RHPN1: variants seen among roughly 807,000 people sequenced by gnomAD.
The protein encoded by RHPN1 is rhophilin Rho GTPase binding protein 1, also known as rhophilin-1.
Under a neutral mutation model 74.7 loss-of-function variants are expected in RHPN1, and 77 were observed. The ratio of observed to expected loss-of-function variants is 1.03; its 90% CI spans 0.86 to 1.25. RHPN1 has a LOEUF of 1.25. Ranked by LOEUF, RHPN1 falls within the 50% of genes most tolerant of loss-of-function variation. The pLI is 0.00. For synonymous variants in RHPN1, 444 were observed against 414.5 expected (o/e 1.07, Z -0.87); for missense variants, 987 against 932.2 (o/e 1.06, Z -0.77).
Position 143,379,092 on chromosome 8 carries a change from G to C in RHPN1, c.751+14G>C, listed in dbSNP as rs1281644697. 2 of 1,477,818 alleles carry C rather than the reference G, an allele frequency of 1.4e-6. No homozygotes were observed. Among genetic ancestry groups the C allele is most frequent in the African/African-American group, 1.4e-5 (1 of 70,546 alleles). 91.5% of individuals were successfully genotyped at this position (1,477,818 alleles called of 1,614,324 possible). On this transcript the variant is annotated intron_variant, in intron 7 of 14. Coordinates refer to ENST00000289013, the MANE Select transcript of RHPN1 (RefSeq NM_052924.3). ...AGAGGGCCGCTGGTGAGGGCGGCCC[G>C]GGCCGCGGTGGGGCACGGCGCGGTG...
intron 1 of RHPN1, among the ~76,000 whole-genome samples, chr8:143,371,269 G>A (rs1429374856): frequency 2.0e-5 from 3 of 152,156 alleles, no homozygotes; most frequent in African/African-American, 7.2e-5. Context: ...AGAGATGGTG[G>A]GTCAGGTGGG....
intron 1 of RHPN1, among the ~76,000 whole-genome samples, chr8:143,375,138 G>A (rs7835310): frequency 5.3e-5 from 8 of 152,124 alleles, no homozygotes; most frequent in Non-Finnish European, 8.8e-5. Flanking sequence ...AAATTGGGAG[G>A]GGCAAGGGGG....
Position 143,376,619 on chromosome 8 carries a change from C to T in RHPN1, c.271C>T (p.Leu91Phe), listed in dbSNP as rs753926374. ...GCTGCTGAAGGAGGAGCTGGAGGAGCTCAGCGGTGGCGTGGACCCTGGCCG... is the reference window on the plus strand; with the variant it reads ...GCTGCTGAAGGAGGAGCTGGAGGAGTTCAGCGGTGGCGTGGACCCTGGCCG... ...LQLLKEELEE[L>F]SGGVDPGRHG... The change falls in exon 3 of 15, where the codon CTC becomes TTC. Residue 91 changes from leucine (L) to phenylalanine (F), a missense_variant. Transcript: ENST00000289013. 2.5e-6 allele frequency: 4 copies of T among 1,589,292 alleles called. No individual in the cohort carries two copies. Among genetic ancestry groups the T allele is most frequent in the South Asian group, 1.1e-5 (1 of 87,756 alleles).
chr8:143,377,027 T>A (rs1371466582), intron 3 of RHPN1, among the ~76,000 whole-genome samples: 1 of 148,644 alleles, frequency 6.7e-6, no homozygotes, highest in Non-Finnish European at 1.5e-5. Flanking sequence ...TATGTGTGCG[T>A]GTATGCACGT....
At chr8:143,371,564 G>A (rs553223113) in intron 1 of RHPN1, among the ~76,000 whole-genome samples, 10 of 152,202 alleles carry the variant, frequency 6.6e-5, no homozygotes, top group South Asian at 2.1e-4. Context: ...CCTTTTGCCC[G>A]TCCCCAGGTC....
In RHPN1 at chr8:143,378,935, C is replaced by T. The variant is rs776018449; in HGVS notation, c.608C>T (p.Pro203Leu). The T allele has an allele frequency of 1.3e-5, 20 of 1,582,622 alleles. No individual in the cohort carries two copies. Among genetic ancestry groups the T allele is most frequent in the East Asian group, 7.0e-5 (3 of 42,664 alleles). The change falls in exon 7 of 15, where the codon CCG becomes CTG. Residue 203 changes from proline to leucine, a missense_variant. Coordinates refer to ENST00000289013, the MANE Select transcript of RHPN1 (RefSeq NM_052924.3). ...FHWYDSLTGVPAQQRALAFEK... is the reference protein window; with the variant it reads ...FHWYDSLTGVLAQQRALAFEK... ...AGGTACGACTCGCTTACTGGGGTCC[C>T]GGCCCAGCAGCGTGCCCTGGCCTTC...
At chr8:143,368,833 G>C (rs1475412394), upstream of RHPN1, 9 of 397,250 alleles carry the variant, frequency 2.3e-5, no homozygotes, top group Middle Eastern at 6.9e-4. Context: ...CCGCGCCGCG[G>C]GCCGCCCCCA....
At chr8:143,374,791 T>C (rs1818102728) in intron 1 of RHPN1, among the ~76,000 whole-genome samples, 1 of 151,986 alleles carries the variant, frequency 6.6e-6, no homozygotes. Flanking sequence ...TAGAGTGAAA[T>C]GTAAGCTCCA....
chr8:143,380,076 G>C lies in RHPN1; in HGVS notation c.1117G>C (p.Glu373Gln). ...LCDGSPATEG[E>Q]LPTHEQVFLQ... The stretch of plus-strand genomic sequence containing the variant: ...CTGTCCCCCAGCAGCGACCGAGGGA[G>C]AGCTCCCCACGCACGAGCAGGTCTT... Residue 373 changes from glutamate to glutamine, a missense_variant, in exon 10 of 15, where the codon GAG becomes CAG. Physicochemically the swap from Glu to Gln is conservative, Grantham distance 29 (BLOSUM62 2). Transcript: ENST00000289013. The C allele has an allele frequency of 6.5e-7, 1 of 1,550,164 alleles. No individual in the cohort carries two copies. Among genetic ancestry groups the C allele is most frequent in the Non-Finnish European group, 8.7e-7 (1 of 1,147,792 alleles).
At position 143,380,138 on chromosome 8, in the gene RHPN1, T is replaced by A. The variant is rs1287300539; in HGVS notation, c.1179T>A (p.Pro393=). 3 of 1,549,152 alleles carry A rather than the reference T, an allele frequency of 1.9e-6. No homozygotes were observed. The Admixed American group carries it at 5.9e-5, about 30-fold the overall frequency. The change falls in exon 10 of 15, where the codon CCT becomes CCA. Residue 393 remains proline (P), a synonymous_variant. Coordinates refer to ENST00000289013, the MANE Select transcript of RHPN1 (RefSeq NM_052924.3). ...CCACCTCCTCTAAGCCCCGAGGCCC[T>A]GTGCTGCCGCAGGAGCTGGAGGAGC... ...QPPTSSKPRG[P]VLPQELEERR...
intron 1 of RHPN1, among the ~76,000 whole-genome samples, chr8:143,369,486 C>G (rs1817686299): frequency 4.6e-5 from 7 of 152,242 alleles, no homozygotes; most frequent in Admixed American, 2.6e-4. Flanking sequence ...GCAGCGAAGC[C>G]TCCTGGGTAT....
At position 143,380,745 on chromosome 8, in the gene RHPN1, A is replaced by T. The variant is rs768126075; in HGVS notation, c.1373A>T (p.Asp458Val). ...AAGTATGCGGAGCTCGACCGTGAGG[A>T]TGACTTCTGTGAGGCTGCCGAGGCC... is the stretch of plus-strand genomic sequence containing the variant. ...LAKYAELDREDDFCEAAEAPD... is the reference protein window; with the variant it reads ...LAKYAELDREVDFCEAAEAPD... Residue 458 changes from aspartate to valine, a missense_variant, in exon 11 of 15, where the codon GAT (aspartate) becomes GTT (valine). Coordinates refer to ENST00000289013, the MANE Select transcript of RHPN1 (RefSeq NM_052924.3). 8.8e-6 allele frequency: 14 copies of T among 1,593,038 alleles called. No individual in the cohort carries two copies. Among genetic ancestry groups the T allele is most frequent in the African/African-American group, 1.3e-5 (1 of 74,494 alleles).
At chr8:143,370,888 A>G in intron 1 of RHPN1, among the ~76,000 whole-genome samples, 1 of 152,188 alleles carries the variant, frequency 6.6e-6, no homozygotes, top group Non-Finnish European at 1.5e-5. Flanking sequence ...CAGTGGGAGA[A>G]GGGGGAGCAG....
chr8:143,375,850 C>T (rs981808123), intron 2 of RHPN1, among the ~76,000 whole-genome samples, 182 bp downstream of exon 2: 6 of 152,238 alleles, frequency 3.9e-5, no homozygotes, highest in Non-Finnish European at 5.9e-5. Context: ...GACCTGCCTC[C>T]GTGGGCCTCT....
chr8:143,376,860 C>A (rs974097210), intron 3 of RHPN1, among the ~76,000 whole-genome samples: 1 of 5,274 alleles, frequency 1.9e-4, no homozygotes, highest in African/African-American at 8.0e-4. Context: ...GCGTGTGTCT[C>A]TGTGTGTATA....
chr8:143,375,016 A>T (rs1288032624), intron 1 of RHPN1, among the ~76,000 whole-genome samples: 2 of 152,188 alleles, frequency 1.3e-5, no homozygotes, highest in African/African-American at 2.4e-5. Flanking sequence ...CCTCTGCACC[A>T]ACCATCGGGG....
chr8:143,382,223 G>A lies in RHPN1; in HGVS notation c.1798-213G>A, dbSNP rs183564769. On this transcript the variant is annotated intron_variant, in intron 14 of 14. Transcript: ENST00000289013. ...CAGACTGGAGGCTTCTGGGCCAGGC[G>A]CTCCATCCCAGAGGTTTTCTCTACC... Among the ~76,000 whole-genome samples, 230 of 152,318 alleles carry A rather than the reference G, an allele frequency of 1.5e-3. 2 individuals are homozygous for A. The highest frequency in any genetic ancestry group is 5.3e-3 in the African/African-American group (222 of 41,572).
In RHPN1 at chr8:143,382,619, C is replaced by T. The variant is rs757728649; in HGVS notation, c.1981C>T (p.Pro661Ser). Residue 661 changes from proline (P) to serine (S), a missense_variant, in exon 15 of 15, where the codon CCC becomes TCC. Transcript: ENST00000289013. ...CTGTGCCCCAGTGAAGCCAGCTCCG[C>T]CCTCATCCTTGAAGCACCCAGGGTG... is the stretch of plus-strand genomic sequence containing the variant. ...QPCAPVKPAPPSSLKHPGWP is the reference protein window; with the variant it reads ...QPCAPVKPAPSSSLKHPGWP 2 of 1,610,570 alleles carry T rather than the reference C, an allele frequency of 1.2e-6. No homozygotes were observed. The highest frequency in any genetic ancestry group is 3.3e-5 in the Admixed American group (2 of 59,988).
rs780397829 is a variant in RHPN1 at position 143,382,636 on chromosome 8, C to A, written c.1998C>A (p.His666Gln). The change falls in exon 15 of 15, where the codon CAC becomes CAA. Residue 666 changes from histidine to glutamine, a missense_variant. By Grantham distance (24) the His-to-Gln change is conservative. Coordinates refer to ENST00000289013, the MANE Select transcript of RHPN1 (RefSeq NM_052924.3). ...VKPAPPSSLK[H>Q]PGWP ...CAGCTCCGCCCTCATCCTTGAAGCA[C>A]CCAGGGTGGCCGTGAGGGCCAGGAT... 1.5e-5 allele frequency: 24 copies of A among 1,609,732 alleles called. No individual in the cohort carries two copies. In the South Asian group the frequency reaches 2.6e-4, roughly 18 times the overall value.
Sources: allele counts gnomAD v4.1 joint callset (sites outside exome capture counted in the v4.1 genomes callset), GRCh38; gene constraint gnomAD v4.1.1; transcripts MANE v1.5; gene names NCBI Gene and HGNC (gene_info 2026-07-23, HGNC 2026-07-21).